The following TMCO1 variants were observed in gnomAD, a reference collection of about 807,000 sequenced individuals.
The protein encoded by TMCO1 is calcium load-activated calcium channel.
Under a neutral mutation model 29.3 loss-of-function variants are expected in TMCO1, and 29 were observed. The ratio of observed to expected loss-of-function variants is 0.99; its 90% CI spans 0.74 to 1.35. TMCO1 has a LOEUF of 1.35. Ranked by LOEUF, TMCO1 falls within the 40% of genes most tolerant of loss-of-function variation. The pLI, the probability that TMCO1 is intolerant of heterozygous loss-of-function variation, is 0.00. For synonymous variants in TMCO1, 80 were observed against 77.1 expected, an observed-to-expected ratio of 1.04 and a Z score of -0.20; for missense variants, 173 against 225.5, an observed-to-expected ratio of 0.77 and a Z score of 1.49.
At chr1:165,755,237 G>A (rs1343776802) in intron 3 of TMCO1, among the ~76,000 whole-genome samples, 1 of 152,168 alleles carries the variant, frequency 6.6e-6, no homozygotes, top group Non-Finnish European at 1.5e-5. Context: ...GAATAAACTA[G>A]TAGCAATGAT....
At position 165,727,984 on chromosome 1, in the gene TMCO1, T is replaced by G. The variant is rs757302422; in HGVS notation, c.*39A>C. The stretch of plus-strand genomic sequence containing the variant: ...AACAGTTGCCAGTCTGATGTGTGTG[T>G]GTCTAGAAAGAATGATAGAAAATAA... On this transcript the variant is annotated 3_prime_UTR_variant, in exon 7 of 7. Coordinates refer to ENST00000367881, the MANE Select transcript of TMCO1 (RefSeq NM_019026.6). 6.8e-7 allele frequency: 1 copy of G among 1,477,366 alleles called. No individual in the cohort carries two copies. The highest frequency in any genetic ancestry group is 2.4e-5 in the East Asian group (1 of 41,544). 91.5% of individuals were successfully genotyped at this position (1,477,366 alleles called of 1,614,324 possible).
Position 165,754,233 on chromosome 1 carries a change from A to G in TMCO1, c.250T>C (p.Ser84Pro). The G allele has an allele frequency of 6.2e-7, 1 of 1,610,670 alleles. No homozygotes were observed. Among genetic ancestry groups the G allele is most frequent in the Non-Finnish European group, 8.5e-7 (1 of 1,177,202 alleles). The change falls in exon 4 of 7, where the codon TCA (serine) becomes CCA (proline). Residue 84 changes from serine (S) to proline (P), a missense_variant. Transcript: ENST00000367881. ...EKLKNNNRDL[S>P]MVRMKSMFAI... is the part of the protein sequence containing the mutation. ...GTTATAGTTAGGTCTCTTACCATTG[A>G]TAGATCTCTGTTGTTATTCTTCAGT...
At chr1:165,756,047 T>TAA (rs35055828) in intron 3 of TMCO1, among the ~76,000 whole-genome samples, 2 of 145,782 alleles carry the variant, frequency 1.4e-5, no homozygotes, top group African/African-American at 2.5e-5. Context: ...GCAGCTTGTT[T>TAA]AAAAAAAAAA....
downstream of TMCO1, chr1:165,724,986 TTCTCTCTCTCTCTCTCTCTC>T (rs61515012): frequency 7.6e-4 from 283 of 373,132 alleles, 4 homozygotes; most frequent in East Asian, 4.2e-3. Flanking sequence ...TATTCTCTCT[TTCTCTCTCTCTCTCTCTCTC>T]TCTCTCTCTC....
intron 5 of TMCO1, among the ~76,000 whole-genome samples, chr1:165,750,392 T>C (rs555131369): frequency 4.0e-5 from 6 of 151,368 alleles, no homozygotes; most frequent in African/African-American, 1.5e-4. Context: ...ATACAAAAAA[T>C]TAGCTGGGTG....
rs965078732 is a variant in TMCO1, at chr1:165,753,716, C to T, written c.255+512G>A. Among the ~76,000 whole-genome samples the T allele has an allele frequency of 2.0e-5, 3 of 152,044 alleles. No individual in the cohort carries two copies. The East Asian group carries it at 5.8e-4, about 29-fold the overall frequency. ...GTCCCAGCTACTTGGGAGGCTGAGA[C>T]AAGAGGGTCCCTAGAGCCCAAGAAT... On this transcript the variant is annotated intron_variant, in intron 4 of 6. Transcript: ENST00000367881.
In TMCO1 at chr1:165,727,139, T is replaced by C. The variant is rs1174715167; in HGVS notation, c.*884A>G. 10 of 453,948 alleles carry C rather than the reference T, an allele frequency of 2.2e-5. No individual in the cohort carries two copies. Among genetic ancestry groups the C allele is most frequent in the Non-Finnish European group, 4.0e-5 (9 of 226,792 alleles). The allele number at this position is 453,948 out of a possible 1,614,324, so 28.1% of individuals were successfully genotyped here. A position where few individuals can be genotyped will look rare whatever the true frequency, so the allele number is the denominator to read the frequency against. ...GGGGCATGGCAGAAAATGAAGGCTA[T>C]TGTGACTAAAAGGAAGCTCTGCGAG... is the stretch of plus-strand genomic sequence containing the variant. On this transcript the variant is annotated 3_prime_UTR_variant, in exon 7 of 7. Coordinates refer to ENST00000367881, the MANE Select transcript of TMCO1 (RefSeq NM_019026.6).
At chr1:165,768,012 T>C (rs191438643) in intron 2 of TMCO1, among the ~76,000 whole-genome samples, 180 bp downstream of exon 2, 2 of 152,354 alleles carry the variant, frequency 1.3e-5, no homozygotes, top group African/African-American at 4.8e-5. Flanking sequence ...ATGTATCTGC[T>C]ACGCCCCTCA....
chr1:165,726,745 T>A, downstream of TMCO1: 1 of 454,102 alleles, frequency 2.2e-6, no homozygotes, highest in East Asian at 6.9e-5. Context: ...CTTGGGCAGA[T>A]CCTCTTTTTT....
rs1434212287 is a variant in TMCO1, at chr1:165,727,874, C to T, written c.*149G>A. 1 of 608,150 alleles carries T rather than the reference C, an allele frequency of 1.6e-6. No homozygotes were observed. Among genetic ancestry groups the T allele is most frequent in the South Asian group, 1.5e-5 (1 of 66,486 alleles). The allele number at this position is 608,150 out of a possible 1,614,324, so 37.7% of individuals were successfully genotyped here. A position where few individuals can be genotyped will look rare whatever the true frequency, so the allele number is the denominator to read the frequency against. ...TCAAGTTTGCTGGCTGCCATTTTCA[C>T]TCTAATCATACCCAAAAGGCTTAGA... On this transcript the variant is annotated 3_prime_UTR_variant, in exon 7 of 7. Coordinates refer to ENST00000367881, the MANE Select transcript of TMCO1 (RefSeq NM_019026.6).
At chr1:165,766,237 G>A (rs1028496357) in intron 2 of TMCO1, among the ~76,000 whole-genome samples, 1 of 152,154 alleles carries the variant, frequency 6.6e-6, no homozygotes, top group Non-Finnish European at 1.5e-5. Flanking sequence ...TAGACATGAG[G>A]AACAAGTATT....
At chr1:165,766,089 C>T (rs1323378682) in intron 2 of TMCO1, among the ~76,000 whole-genome samples, 1 of 152,164 alleles carries the variant, frequency 6.6e-6, no homozygotes, top group Non-Finnish European at 1.5e-5. Flanking sequence ...AAAAAGGAAA[C>T]CCAACAGTAT....
At chr1:165,765,016 G>A (rs1235639961) in intron 2 of TMCO1, among the ~76,000 whole-genome samples, 2 of 152,150 alleles carry the variant, frequency 1.3e-5, no homozygotes, top group African/African-American at 4.8e-5. Context: ...TGGGGCAAAA[G>A]AAGAAAGCAT....
At chr1:165,765,602 G>A (rs1414100369) in intron 2 of TMCO1, among the ~76,000 whole-genome samples, 1 of 152,182 alleles carries the variant, frequency 6.6e-6, no homozygotes, top group Non-Finnish European at 1.5e-5. Flanking sequence ...AAATAGAGTG[G>A]TCAACTTAAG....
intron 6 of TMCO1, among the ~76,000 whole-genome samples, chr1:165,740,551 A>G (rs1651558065): frequency 6.6e-6 from 1 of 152,170 alleles, no homozygotes. Flanking sequence ...CACAATTTTA[A>G]AATTTCAGAC....
intron 5 of TMCO1, among the ~76,000 whole-genome samples, chr1:165,750,661 G>A (rs1342530630): frequency 1.3e-5 from 2 of 151,840 alleles, no homozygotes; most frequent in African/African-American, 4.8e-5. Flanking sequence ...ATTGCCCACA[G>A]ACTTTTGTGT....
intron 2 of TMCO1, among the ~76,000 whole-genome samples, chr1:165,765,369 C>T (rs1304563250): frequency 2.0e-5 from 3 of 152,172 alleles, no homozygotes; most frequent in Admixed American, 6.5e-5. Context: ...CTGCAACTTC[C>T]GCCTCCCAGG....
rs191730698 is a variant in TMCO1, at chr1:165,762,702, A to G, written c.149-3118T>C. On this transcript the variant is annotated intron_variant, in intron 2 of 6. Coordinates refer to ENST00000367881, the MANE Select transcript of TMCO1 (RefSeq NM_019026.6). Reference sequence around the variant, plus strand: ...AAACACATTTCTGTCCATGATCTGTATTCCTGCATTCTAAATTCCAGAGTT... The same window carrying G: ...AAACACATTTCTGTCCATGATCTGTGTTCCTGCATTCTAAATTCCAGAGTT... Among the ~76,000 whole-genome samples the G allele has an allele frequency of 1.0e-3, 152 of 152,326 alleles. 1 individual carries two copies. Among genetic ancestry groups the G allele is most frequent in the African/African-American group, 3.6e-3 (148 of 41,578 alleles).
At chr1:165,753,997 C>A (rs1652096134) in intron 4 of TMCO1, among the ~76,000 whole-genome samples, 1 of 152,026 alleles carries the variant, frequency 6.6e-6, no homozygotes, top group African/African-American at 2.4e-5. Flanking sequence ...GTGAAGAGGA[C>A]AAATTATGAC....
Sources: gnomAD v4.1 joint callset for allele counts (sites outside exome capture counted in the v4.1 genomes callset) on GRCh38, gnomAD v4.1.1 for gene constraint, MANE v1.5 for transcripts, NCBI Gene and HGNC (gene_info 2026-07-23, HGNC 2026-07-21) for gene names.